The following TOP6BL variants were observed in gnomAD, a reference collection of about 807,000 sequenced individuals.
TOP6BL encodes type 2 DNA topoisomerase 6 subunit B-like.
the TOP6BL span, among the ~76,000 whole-genome samples, chr11:66,784,091 C>G: frequency 1.3e-5 from 2 of 152,086 alleles, no homozygotes; most frequent in East Asian, 3.9e-4. Context: ...AGTGTAGTGG[C>G]GCGATCTCGG....
At chr11:66,836,460 C>T in the TOP6BL span, among the ~76,000 whole-genome samples, 1 of 151,654 alleles carries the variant, frequency 6.6e-6, no homozygotes, top group Non-Finnish European at 1.5e-5. Flanking sequence ...CCGCCCACCT[C>T]GGCCTCCCAA....
the TOP6BL span, among the ~76,000 whole-genome samples, chr11:66,755,162 C>T: frequency 1.3e-5 from 2 of 151,454 alleles, no homozygotes; most frequent in South Asian, 2.1e-4. Context: ...CTCTGTTGCC[C>T]AGGCTGGAGG....
chr11:66,802,691 C>T, the TOP6BL span, among the ~76,000 whole-genome samples: 1 of 152,172 alleles, frequency 6.6e-6, no homozygotes, highest in African/African-American at 2.4e-5. Context: ...AAGAGACTGC[C>T]TGTGGTTCTT....
the TOP6BL span, chr11:66,843,199 C>G: frequency 6.2e-7 from 1 of 1,611,094 alleles, no homozygotes; most frequent in African/African-American, 1.3e-5. Flanking sequence ...GGTCTCCAAC[C>G]TGTCAGAGTG....
the TOP6BL span, among the ~76,000 whole-genome samples, chr11:66,801,657 A>C: frequency 7.2e-5 from 11 of 152,076 alleles, no homozygotes; most frequent in Non-Finnish European, 1.5e-4. Context: ...CCAACATGGC[A>C]AAACCCTGTC....
chr11:66,760,391 G>A, the TOP6BL span, among the ~76,000 whole-genome samples: 1 of 150,788 alleles, frequency 6.6e-6, no homozygotes, highest in African/African-American at 2.4e-5. Context: ...AGAGGCTGCA[G>A]TGAGCCAAGA....
At chr11:66,773,382 T>G in the TOP6BL span, among the ~76,000 whole-genome samples, 1 of 150,762 alleles carries the variant, frequency 6.6e-6, no homozygotes, top group Non-Finnish European at 1.5e-5. Flanking sequence ...TGAGCATGGG[T>G]AATTTGTGTC....
chr11:66,766,667 CATT>C, the TOP6BL span, among the ~76,000 whole-genome samples: 2 of 152,208 alleles, frequency 1.3e-5, no homozygotes, highest in Non-Finnish European at 2.9e-5. Flanking sequence ...TATTCTGCAT[CATT>C]ATTCTACATT....
the TOP6BL span, chr11:66,843,107 G>A: frequency 5.0e-6 from 8 of 1,598,216 alleles, no homozygotes; most frequent in Non-Finnish European, 6.0e-6. Context: ...GGGCTCAGCA[G>A]GAGGTGCAGG....
At chr11:66,750,220 A>C in the TOP6BL span, among the ~76,000 whole-genome samples, 1 of 152,066 alleles carries the variant, frequency 6.6e-6, no homozygotes, top group Non-Finnish European at 1.5e-5. Flanking sequence ...AAAAATGTAC[A>C]CTTATTTAGT....
the TOP6BL span, among the ~76,000 whole-genome samples, chr11:66,798,339 C>T: frequency 6.6e-6 from 1 of 152,060 alleles, no homozygotes; most frequent in Non-Finnish European, 1.5e-5. Flanking sequence ...GTGGCTCACA[C>T]CTGTAATCCC....
the TOP6BL span, among the ~76,000 whole-genome samples, chr11:66,779,262 C>G: frequency 3.9e-5 from 6 of 152,156 alleles, no homozygotes; most frequent in African/African-American, 1.2e-4. Context: ...GCAACCTACT[C>G]ATCTGACAAA....
the TOP6BL span, chr11:66,816,122 C>T: frequency 1.7e-5 from 27 of 1,605,754 alleles, no homozygotes; most frequent in African/African-American, 1.1e-4. Flanking sequence ...ACTATGGATC[C>T]TCAAGGACAA....
the TOP6BL span, chr11:66,843,088 C>T: frequency 3.9e-5 from 62 of 1,585,794 alleles, no homozygotes; most frequent in Non-Finnish European, 4.9e-5. Flanking sequence ...GCGAGGGCCG[C>T]GCAGGGAAGG....
At chr11:66,813,774 T>C in the TOP6BL span, 2 of 1,226,680 alleles carry the variant, frequency 1.6e-6, no homozygotes, top group Non-Finnish European at 2.3e-6. Flanking sequence ...CTTATGGGAG[T>C]GTAAACCAGG....
At chr11:66,774,121 C>T in the TOP6BL span, among the ~76,000 whole-genome samples, 1 of 152,072 alleles carries the variant, frequency 6.6e-6, no homozygotes, top group Non-Finnish European at 1.5e-5. Flanking sequence ...GCTTTGCTAA[C>T]CAGCTGACTT....
chr11:66,789,391 C>T, the TOP6BL span, among the ~76,000 whole-genome samples: 5 of 152,116 alleles, frequency 3.3e-5, no homozygotes, highest in African/African-American at 4.8e-5. Context: ...GGAGACATAA[C>T]GAATTAGAGT....
the TOP6BL span, among the ~76,000 whole-genome samples, chr11:66,749,353 G>A: frequency 6.6e-6 from 1 of 152,134 alleles, no homozygotes; most frequent in African/African-American, 2.4e-5. Flanking sequence ...TAGGGTGATG[G>A]TTGGTCTGTG....
the TOP6BL span, among the ~76,000 whole-genome samples, chr11:66,802,038 G>T: frequency 0.074 from 11,245 of 152,160 alleles, 630 homozygotes; most frequent in Middle Eastern, 0.15. Context: ...GTCTCAGTCT[G>T]TTCAACCCAG....
Sources: allele counts gnomAD v4.1 joint callset (sites outside exome capture counted in the v4.1 genomes callset), GRCh38; gene constraint gnomAD v4.1.1; transcripts MANE v1.5; gene names NCBI Gene and HGNC (gene_info 2026-07-23, HGNC 2026-07-21).